Variants in GPHN observed in about 807,000 individuals in gnomAD.
The protein encoded by GPHN is gephyrin.
A neutral mutation model predicts 95.5 loss-of-function variants in GPHN; 17 were observed. The observed-to-expected ratio is 0.18, with a 90% CI of 0.12 to 0.27. The LOEUF (loss-of-function observed/expected upper bound fraction) is 0.27, where lower values mean the gene tolerates loss of function less well. Ranked by LOEUF, GPHN falls within the 10% of genes least tolerant of loss-of-function variation. The probability of loss-of-function intolerance (pLI) is 1.00; values close to 1 mark genes in which losing one functional copy is unlikely to be tolerated. For synonymous variants in GPHN, 320 were observed against 322.5 expected (o/e 0.99, Z 0.08); for missense variants, 660 against 978.1 (o/e 0.67, Z 4.34).
chr14:66,905,939 G>C (rs1400216636), intron 5 of GPHN, among the ~76,000 whole-genome samples: 1 of 151,294 alleles, frequency 6.6e-6, no homozygotes, highest in Non-Finnish European at 1.5e-5. Context: ...GTATTCCATG[G>C]TGTGTATGTA....
At chr14:67,236,955 G>A in the GPHN span, among the ~76,000 whole-genome samples, 3 of 152,022 alleles carry the variant, frequency 2.0e-5, no homozygotes, top group African/African-American at 7.2e-5. Context: ...GCCGGGCATG[G>A]TGGCAGGTGC....
chr14:67,635,517 G>T, the GPHN span, among the ~76,000 whole-genome samples: 1 of 152,148 alleles, frequency 6.6e-6, no homozygotes, highest in Non-Finnish European at 1.5e-5. Flanking sequence ...AGTATTTCAA[G>T]TACAAGCTTG....
the GPHN span, among the ~76,000 whole-genome samples, chr14:67,299,240 C>T: frequency 1.3e-5 from 2 of 152,084 alleles, no homozygotes; most frequent in Non-Finnish European, 2.9e-5. Flanking sequence ...CCATTTTAAT[C>T]GTCTTGAGTT....
chr14:67,648,300 A>G, the GPHN span: 1 of 1,216,640 alleles, frequency 8.2e-7, no homozygotes, highest in East Asian at 2.5e-5. Flanking sequence ...TTTTTGCTTA[A>G]ACTTTTGTAG....
chr14:67,651,678 A>G, the GPHN span: 16 of 455,712 alleles, frequency 3.5e-5, no homozygotes, highest in Admixed American at 7.9e-5. Flanking sequence ...AGAAATGTTA[A>G]ACTGAGACAA....
chr14:67,283,802 G>C, the GPHN span, among the ~76,000 whole-genome samples: 1 of 152,130 alleles, frequency 6.6e-6, no homozygotes, highest in Non-Finnish European at 1.5e-5. Context: ...AAAAGTAACT[G>C]CTACATCATT....
chr14:67,302,029 A>G, the GPHN span: 8 of 1,611,764 alleles, frequency 5.0e-6, no homozygotes, highest in Non-Finnish European at 5.1e-6. Flanking sequence ...AGAGCCCATT[A>G]CAGATGAGAG....
chr14:67,725,102 C>T, the GPHN span: 1 of 1,614,156 alleles, frequency 6.2e-7, no homozygotes, highest in Admixed American at 1.7e-5. Context: ...GACCCAGGAG[C>T]CCGAGTCTAT....
At chr14:67,476,410 A>G in the GPHN span, among the ~76,000 whole-genome samples, 990 of 152,144 alleles carry the variant, frequency 6.5e-3, 5 homozygotes, top group African/African-American at 0.022. Context: ...GACATGGTGA[A>G]ACCCTGTCTC....
At chr14:67,287,328 T>C in the GPHN span, among the ~76,000 whole-genome samples, 134 of 151,876 alleles carry the variant, frequency 8.8e-4, no homozygotes, top group Non-Finnish European at 1.7e-3. Flanking sequence ...CATAAATATA[T>C]TGGATTAAAA....
chr14:66,720,133 A>T (rs1239349393), intron 2 of GPHN, among the ~76,000 whole-genome samples: 4 of 152,232 alleles, frequency 2.6e-5, no homozygotes, highest in Admixed American at 2.0e-4. Flanking sequence ...TATAATTATG[A>T]ATACTGTAGT....
rs114598422 is a variant in GPHN, at chr14:67,140,453, A to G, written c.1749-2909A>G. Reference sequence around the variant, plus strand: ...TTTATAGTAATCAGCTAGGCTCCAGAACCTTTATCCCCCTACAGAGATGAA... The same window carrying G: ...TTTATAGTAATCAGCTAGGCTCCAGGACCTTTATCCCCCTACAGAGATGAA... On this transcript the variant is annotated intron_variant, in intron 17 of 22. Coordinates refer to ENST00000478722, the MANE Select transcript of GPHN (RefSeq NM_020806.5). Among the ~76,000 whole-genome samples, 581 of 152,184 alleles carry G rather than the reference A, an allele frequency of 3.8e-3. 5 individuals are homozygous for G. Among genetic ancestry groups the G allele is most frequent in the African/African-American group, 0.013 (559 of 41,506 alleles).
In GPHN at chr14:67,122,308, G is replaced by A. The variant is rs1364702887; in HGVS notation, c.1679G>A (p.Arg560His). ...CCAGGGAAGATTCGAGACAGCAATC[G>A]TTCAACTCTTCTAGCAACAATTCAG... The part of the protein sequence containing the change: ...LLPGKIRDSN[R>H]STLLATIQEH... Residue 560 changes from arginine to histidine, a missense_variant, in exon 17 of 23, where the codon CGT (arginine) becomes CAT (histidine). Coordinates refer to ENST00000478722, the MANE Select transcript of GPHN (RefSeq NM_020806.5). 12 of 1,613,102 alleles carry A rather than the reference G, an allele frequency of 7.4e-6. No homozygotes were observed. The highest frequency in any genetic ancestry group is 3.3e-5 in the Admixed American group (2 of 60,016).
At chr14:67,210,076 A>G in the GPHN span, among the ~76,000 whole-genome samples, 5 of 152,232 alleles carry the variant, frequency 3.3e-5, no homozygotes, top group African/African-American at 1.2e-4. Flanking sequence ...TGTCAATTCA[A>G]TTCACACCCC....
the GPHN span, among the ~76,000 whole-genome samples, chr14:67,489,918 A>G: frequency 6.6e-6 from 1 of 151,878 alleles, no homozygotes; most frequent in East Asian, 1.9e-4. Context: ...TGAACCTGGG[A>G]GGCAGAGCTT....
chr14:67,575,539 T>C, the GPHN span: 3 of 967,346 alleles, frequency 3.1e-6, no homozygotes, highest in Admixed American at 5.9e-5. Context: ...TGCCACTCTA[T>C]GTCCTGATGA....
At chr14:66,768,079 A>G (rs1281861381) in intron 2 of GPHN, among the ~76,000 whole-genome samples, 2 of 151,972 alleles carry the variant, frequency 1.3e-5, no homozygotes, top group Non-Finnish European at 2.9e-5. Flanking sequence ...AAAATATACA[A>G]AGATTTAGAA....
At chr14:66,792,521 A>T (rs1192016069) in intron 3 of GPHN, among the ~76,000 whole-genome samples, 4 of 152,100 alleles carry the variant, frequency 2.6e-5, no homozygotes, top group Non-Finnish European at 5.9e-5. Context: ...ACCAAGGAAT[A>T]CTATTTTTAA....
rs78986414 is a variant in GPHN, at chr14:66,612,808, C to T, written c.65-68299C>T. Among the ~76,000 whole-genome samples the T allele has an allele frequency of 3.6e-3, 550 of 152,190 alleles. 12 individuals are homozygous for T. Among genetic ancestry groups the T allele is most frequent in the African/African-American group, 0.013 (524 of 41,544 alleles). On this transcript the variant is annotated intron_variant, in intron 1 of 22. Transcript: ENST00000478722. Reference sequence around the variant, plus strand: ...TGTTCTTTCCATGTAAATGGAATTACACTCTGTGTAAGTCTTCTTTTGCTC... The same window carrying T: ...TGTTCTTTCCATGTAAATGGAATTATACTCTGTGTAAGTCTTCTTTTGCTC...
Sources: gnomAD v4.1 joint callset for allele counts (sites outside exome capture counted in the v4.1 genomes callset) on GRCh38, gnomAD v4.1.1 for gene constraint, MANE v1.5 for transcripts, NCBI Gene and HGNC (gene_info 2026-07-23, HGNC 2026-07-21) for gene names.